The following CUBN variants were observed in gnomAD, a reference collection of about 807,000 sequenced individuals.
CUBN encodes the protein cubilin.
CUBN carries 282 observed loss-of-function variants against 405.3 expected under a neutral mutation model. The ratio of observed to expected loss-of-function variants is 0.70; its 90% CI spans 0.63 to 0.77. CUBN has a LOEUF of 0.77. Among genes scored for constraint, CUBN ranks in the 30% least tolerant of loss-of-function variants. The pLI is 0.00. For missense variants in CUBN, 4,514 were observed against 4,475.2 expected (o/e 1.01, Z -0.25); for synonymous variants, 1,684 against 1,617.0 (o/e 1.04, Z -0.99).
At position 17,109,675 on chromosome 10, in the gene CUBN, C is replaced by G; in HGVS notation, c.1076G>C (p.Gly359Ala). The G allele has an allele frequency of 1.2e-6, 2 of 1,613,946 alleles. No individual in the cohort carries two copies. Among genetic ancestry groups the G allele is most frequent in the Non-Finnish European group, 1.7e-6 (2 of 1,179,974 alleles). The part of the protein sequence containing the change: ...LTDICSVSNG[G>A]CHPDASCSST... ...GGAGCATGAGGCATCTGGGTGGCAG[C>G]CTCCATTACTGACTGAGCAGATGTC... The change falls in exon 10 of 67, where the codon GGC becomes GCC. Residue 359 changes from glycine (G) to alanine (A), a missense_variant. Transcript: ENST00000377833.
At chr10:17,062,818 A>G (rs925092024) in intron 22 of CUBN, among the ~76,000 whole-genome samples, 3 of 152,218 alleles carry the variant, frequency 2.0e-5, no homozygotes, top group Admixed American at 2.0e-4. Flanking sequence ...AGAAATCAAC[A>G]ACCAAATACC....
At chr10:16,944,508 G>C (rs778051056) in intron 36 of CUBN, among the ~76,000 whole-genome samples, 1 of 152,034 alleles carries the variant, frequency 6.6e-6, no homozygotes, top group African/African-American at 2.4e-5. Context: ...CTTCTCATAC[G>C]CTCTCACACA....
At position 16,990,204 on chromosome 10, in the gene CUBN, C is replaced by T. The variant is rs535333297; in HGVS notation, c.4350+130G>A. Reference sequence around the variant, plus strand: ...TGTCTACCAAATGATCACCGAAGGGCTGATGCTCATTAAAATGTCTAAGAA... The same window carrying T: ...TGTCTACCAAATGATCACCGAAGGGTTGATGCTCATTAAAATGTCTAAGAA... On this transcript the variant is annotated intron_variant, in intron 29 of 66. Transcript: ENST00000377833. The T allele has an allele frequency of 7.7e-6, 7 of 912,472 alleles. No individual in the cohort carries two copies. The South Asian group carries it at 9.5e-5, about 12-fold the overall frequency. The allele number at this position is 912,472 out of a possible 1,614,324, so 56.5% of individuals were successfully genotyped here.
chr10:16,858,671 C>G (rs1271322709), intron 59 of CUBN, among the ~76,000 whole-genome samples: 1 of 152,188 alleles, frequency 6.6e-6, no homozygotes, highest in Non-Finnish European at 1.5e-5. Flanking sequence ...ATAGCTAAAA[C>G]AACTTCACAA....
intron 31 of CUBN, among the ~76,000 whole-genome samples, chr10:16,981,565 T>C (rs3012480): frequency 0.73 from 111,453 of 151,958 alleles, 43,722 homozygotes; most frequent in Non-Finnish European, 0.89. Flanking sequence ...CTTTGGGGCT[T>C]TTGGGGTCGC....
At chr10:16,873,002 T>C (rs904982759) in intron 58 of CUBN, among the ~76,000 whole-genome samples, 2 of 152,236 alleles carry the variant, frequency 1.3e-5, no homozygotes, top group African/African-American at 2.4e-5. Context: ...AAGACATCTC[T>C]TGTTCACTTG....
chr10:17,074,546 T>G (rs959447710), intron 17 of CUBN, among the ~76,000 whole-genome samples: 1 of 152,216 alleles, frequency 6.6e-6, no homozygotes, highest in Non-Finnish European at 1.5e-5. Flanking sequence ...GCAATTTTAA[T>G]GCATACTGAA....
intron 27 of CUBN, chr10:17,023,466 G>A (rs1439780406): frequency 6.4e-6 from 2 of 313,704 alleles, no homozygotes; most frequent in Admixed American, 3.1e-5. Flanking sequence ...GATGGGTAAC[G>A]TCACCTCTAC....
At chr10:16,999,935 C>T (rs571051164) in intron 28 of CUBN, among the ~76,000 whole-genome samples, 3 of 152,290 alleles carry the variant, frequency 2.0e-5, no homozygotes, top group African/African-American at 7.2e-5. Flanking sequence ...GAAATGGACA[C>T]AGGTGGGCAG....
At chr10:16,983,489 C>T (rs1009344242) in intron 30 of CUBN, among the ~76,000 whole-genome samples, 7 of 152,146 alleles carry the variant, frequency 4.6e-5, no homozygotes, top group African/African-American at 9.7e-5. Context: ...GGATATGAAG[C>T]GGACTTCCCT....
In CUBN at chr10:16,901,480, C is replaced by G. The variant is rs369566537; in HGVS notation, c.8063-21G>C. On this transcript the variant is annotated intron_variant, in intron 51 of 66. Transcript: ENST00000377833. Reference sequence around the variant, plus strand: ...ACAATCTGAAATGAGATTGGTAACCCTCTCAATAAAACAGAAGTAAAAAAA... The same window carrying G: ...ACAATCTGAAATGAGATTGGTAACCGTCTCAATAAAACAGAAGTAAAAAAA... The G allele has an allele frequency of 5.0e-6, 8 of 1,613,766 alleles. No homozygotes were observed. The African/African-American group carries it at 9.3e-5, about 19-fold the overall frequency.
Position 17,045,200 on chromosome 10 carries a change from A to G in CUBN, c.3491-12T>C. On this transcript the variant is annotated splice_polypyrimidine_tract_variant and intron_variant, in intron 24 of 66. Coordinates refer to ENST00000377833, the MANE Select transcript of CUBN (RefSeq NM_001081.4). ...ATTACCCCCGCAACCTACAGGAGAAAGAAGTGGAATGACACACACCCCTTT... is the reference window on the plus strand; with the variant it reads ...ATTACCCCCGCAACCTACAGGAGAAGGAAGTGGAATGACACACACCCCTTT... 1.9e-6 allele frequency: 3 copies of G among 1,613,226 alleles called. No homozygotes were observed. The highest frequency in any genetic ancestry group is 2.5e-6 in the Non-Finnish European group (3 of 1,179,678).
chr10:17,104,351 G>C, intron 12 of CUBN, 68 bp downstream of exon 12: 1 of 1,436,514 alleles, frequency 7.0e-7, no homozygotes, highest in Non-Finnish European at 9.8e-7. Context: ...GGAATCTGTT[G>C]AGGGACTCAC....
At chr10:17,022,366 T>A (rs1834522391) in intron 27 of CUBN, among the ~76,000 whole-genome samples, 1 of 152,172 alleles carries the variant, frequency 6.6e-6, no homozygotes, top group South Asian at 2.1e-4. Flanking sequence ...TGAATAAAGA[T>A]GAGTTTTATT....
intron 54 of CUBN, among the ~76,000 whole-genome samples, chr10:16,891,940 G>A (rs556557988): frequency 4.5e-4 from 68 of 152,264 alleles, no homozygotes; most frequent in Non-Finnish European, 8.2e-4. Flanking sequence ...TCTCAAACAA[G>A]GATGTAGTTG....
chr10:16,858,829 T>C (rs1349792564), intron 59 of CUBN, among the ~76,000 whole-genome samples: 4 of 152,200 alleles, frequency 2.6e-5, no homozygotes, highest in African/African-American at 4.8e-5. Flanking sequence ...TATACAAATA[T>C]GTCCAACTGA....
intron 59 of CUBN, among the ~76,000 whole-genome samples, chr10:16,855,070 C>T (rs1839833576): frequency 1.0e-5 from 1 of 98,896 alleles, no homozygotes. Flanking sequence ...CTCCTCTCTC[C>T]TCCCCTCCCC....
At chr10:17,037,842 CA>C (rs1262601096) in intron 27 of CUBN, among the ~76,000 whole-genome samples, 3 of 152,144 alleles carry the variant, frequency 2.0e-5, no homozygotes, top group Non-Finnish European at 4.4e-5. Flanking sequence ...TCTCGCCCCA[CA>C]AACACTGCTC....
chr10:16,927,054 G>A (rs542970870), intron 41 of CUBN, among the ~76,000 whole-genome samples: 36 of 151,856 alleles, frequency 2.4e-4, no homozygotes, highest in Non-Finnish European at 3.4e-4. Flanking sequence ...ATTCTAGACC[G>A]GGAGCTGCCA....
Sources: gnomAD v4.1 joint callset for allele counts (sites outside exome capture counted in the v4.1 genomes callset) on GRCh38, gnomAD v4.1.1 for gene constraint, MANE v1.5 for transcripts, NCBI Gene and HGNC (gene_info 2026-07-23, HGNC 2026-07-21) for gene names.